The following NEBL variants were observed in gnomAD, a reference collection of about 807,000 sequenced individuals.
NEBL encodes nebulette, also known as LIM and SH3 protein 2.
A neutral mutation model predicts 140.2 loss-of-function variants in NEBL; 122 were observed. The observed-to-expected ratio is 0.87, with a 90% CI of 0.75 to 1.01. The LOEUF (loss-of-function observed/expected upper bound fraction) is 1.01, where lower values mean the gene tolerates loss of function less well. Ranked by LOEUF, NEBL falls within the 50% of genes least tolerant of loss-of-function variation. The pLI is 0.00. For missense variants in NEBL, 1,365 were observed against 1,231.3 expected (o/e 1.11, Z -1.62); for synonymous variants, 436 against 398.9 (o/e 1.09, Z -1.11).
At chr10:20,826,418 A>C (rs71578946) in intron 18 of NEBL, 29 bp downstream of exon 18, 2 of 1,554,306 alleles carry the variant, frequency 1.3e-6, no homozygotes, top group South Asian at 2.2e-5. Context: ...TGCTTTTAGA[A>C]AAGATAATTA....
intron 4 of NEBL, among the ~76,000 whole-genome samples, chr10:20,905,547 C>A (rs538037571): frequency 3.9e-5 from 6 of 152,118 alleles, no homozygotes; most frequent in Non-Finnish European, 7.4e-5. Flanking sequence ...CCCCATGATC[C>A]AATCACCTCC....
At chr10:20,984,563 G>A (rs868593974) in intron 3 of NEBL, among the ~76,000 whole-genome samples, 3 of 152,108 alleles carry the variant, frequency 2.0e-5, no homozygotes, top group African/African-American at 7.2e-5. Context: ...CCAGAACATC[G>A]AAGAATTGGA....
intron 2 of NEBL, among the ~76,000 whole-genome samples, chr10:21,061,460 T>C (rs907362278): frequency 1.3e-5 from 2 of 148,334 alleles, no homozygotes; most frequent in South Asian, 2.1e-4. Flanking sequence ...TATTACATGA[T>C]ATATGATATA....
intron 1 of NEBL, among the ~76,000 whole-genome samples, chr10:21,274,394 C>T (rs1317857017): frequency 1.3e-5 from 2 of 152,180 alleles, no homozygotes; most frequent in Non-Finnish European, 2.9e-5. Flanking sequence ...ATGTTCTATG[C>T]ATTATACACT....
intron 7 of NEBL, among the ~76,000 whole-genome samples, chr10:20,861,536 G>A (rs1843703949): frequency 6.6e-6 from 1 of 152,052 alleles, no homozygotes. Flanking sequence ...TTCGTCACTG[G>A]TTCTGTCTCT....
intron 4 of NEBL, among the ~76,000 whole-genome samples, chr10:20,923,046 CTT>C (rs962984316): frequency 3.4e-4 from 52 of 152,168 alleles, no homozygotes; most frequent in African/African-American, 1.1e-3. Context: ...CAATCTCTCT[CTT>C]GTTCTTCTTT....
intron 20 of NEBL, among the ~76,000 whole-genome samples, chr10:20,818,459 AT>A (rs1838957931): frequency 6.6e-6 from 1 of 152,112 alleles, no homozygotes; most frequent in South Asian, 2.1e-4. Flanking sequence ...CTTGTTAACT[AT>A]TTTTGCTTTA....
intron 3 of NEBL, among the ~76,000 whole-genome samples, chr10:20,969,389 C>T (rs1836465693): frequency 6.6e-6 from 1 of 151,278 alleles, no homozygotes; most frequent in East Asian, 1.9e-4. Context: ...TTCCCAGAGG[C>T]TCTTAGTGAT....
intron 16 of NEBL, 60 bp from the exon 17 acceptor site, chr10:20,828,694 G>A: frequency 8.9e-7 from 1 of 1,118,874 alleles, no homozygotes; most frequent in Non-Finnish European, 1.3e-6. Flanking sequence ...ATGTGAGAGG[G>A]AGGGAGGGAG....
chr10:20,895,379 A>C (rs1444566091), intron 2 of NEBL, among the ~76,000 whole-genome samples: 1 of 152,228 alleles, frequency 6.6e-6, no homozygotes, highest in Non-Finnish European at 1.5e-5. Context: ...GGGAGAGATA[A>C]CTTGGCAGTG....
chr10:20,880,238 G>A (rs1242640931), intron 5 of NEBL, among the ~76,000 whole-genome samples: 1 of 152,124 alleles, frequency 6.6e-6, no homozygotes, highest in Non-Finnish European at 1.5e-5. Flanking sequence ...GTGGGCACCT[G>A]TAATCCCAGC....
intron 3 of NEBL, among the ~76,000 whole-genome samples, chr10:21,239,861 A>G (rs1588552091): frequency 6.6e-6 from 1 of 152,070 alleles, no homozygotes; most frequent in Admixed American, 6.5e-5. Context: ...CTAAAAATAC[A>G]AAAAATTAGC....
intron 3 of NEBL, among the ~76,000 whole-genome samples, chr10:21,010,385 C>A (rs913739865): frequency 6.6e-6 from 1 of 151,944 alleles, no homozygotes; most frequent in African/African-American, 2.4e-5. Flanking sequence ...GGTGGGACTA[C>A]AGGTGTGTGC....
At chr10:20,840,976 T>C (rs1841363981) in intron 12 of NEBL, 127 bp from the exon 13 acceptor site, 5 of 667,206 alleles carry the variant, frequency 7.5e-6, no homozygotes, top group Non-Finnish European at 1.3e-5. Flanking sequence ...ATCACACAGC[T>C]AAGTATTCAT....
At position 20,831,531 on chromosome 10, in the gene NEBL, AC is replaced by A; in HGVS notation, c.1501del (p.Val501Ter). 1 of 1,612,468 alleles carries A rather than the reference AC, an allele frequency of 6.2e-7. No individual in the cohort carries two copies. Among genetic ancestry groups the A allele is most frequent in the Non-Finnish European group, 8.5e-7 (1 of 1,179,492 alleles). The stretch of plus-strand genomic sequence containing the variant: ...CTGGACATCAAGAGTGTCTGTGCTC[AC>A]CTGCATCCCTTTCCCTTTAATTTCA... ...ETEIKGKGMQ[V>X]STDTLDVQRA... On this transcript the variant is annotated frameshift_variant, in exon 15 of 28. Transcript: ENST00000377122. LOFTEE classifies it high-confidence loss of function.
chr10:20,943,636 C>T (rs992472839), intron 4 of NEBL, among the ~76,000 whole-genome samples: 28 of 152,050 alleles, frequency 1.8e-4, no homozygotes, highest in African/African-American at 5.3e-4. Context: ...TCACATAATC[C>T]ATATAGCATA....
intron 3 of NEBL, among the ~76,000 whole-genome samples, chr10:21,201,115 T>C (rs1841728187): frequency 6.6e-6 from 1 of 151,984 alleles, no homozygotes; most frequent in African/African-American, 2.4e-5. Context: ...CATCCAATTC[T>C]CTCCTTCTGC....
intron 26 of NEBL, among the ~76,000 whole-genome samples, chr10:20,801,017 C>T (rs1837068460): frequency 6.6e-6 from 1 of 152,110 alleles, no homozygotes; most frequent in Non-Finnish European, 1.5e-5. Flanking sequence ...TGGGGTTCAG[C>T]ACTGCCCGTG....
intron 12 of NEBL, among the ~76,000 whole-genome samples, chr10:20,841,221 A>G (rs1444094271): frequency 6.6e-6 from 1 of 152,146 alleles, no homozygotes; most frequent in Non-Finnish European, 1.5e-5. Flanking sequence ...AAAAAAGAAC[A>G]TGGTTGCAAA....
Sources: gnomAD v4.1 joint callset for allele counts (sites outside exome capture counted in the v4.1 genomes callset) on GRCh38, gnomAD v4.1.1 for gene constraint, MANE v1.5 for transcripts, NCBI Gene and HGNC (gene_info 2026-07-23, HGNC 2026-07-21) for gene names.